ANXA8: variants seen among roughly 807,000 people sequenced by gnomAD.
ANXA8 encodes annexin A8.
Under a neutral mutation model 26.8 loss-of-function variants are expected in ANXA8, and 9 were observed. That is an observed-to-expected ratio of 0.34 (90% CI 0.20 to 0.59). The LOEUF is 0.59. Ranked by LOEUF, ANXA8 falls within the 20% of genes least tolerant of loss-of-function variation. The probability of loss-of-function intolerance (pLI) is 0.84; values close to 1 mark genes in which losing one functional copy is unlikely to be tolerated. For missense variants in ANXA8, 83 were observed against 238.5 expected, an observed-to-expected ratio of 0.35 and a Z score of 4.29; for synonymous variants, 39 against 94.8, an observed-to-expected ratio of 0.41 and a Z score of 3.42.
the ANXA8 span, among the ~76,000 whole-genome samples, chr10:47,704,569 A>G: frequency 6.6e-6 from 1 of 150,806 alleles, no homozygotes; most frequent in Non-Finnish European, 1.5e-5. Flanking sequence ...ATGGAAAAAT[A>G]GATATGTAAA....
the ANXA8 span, chr10:47,542,449 CT>C: frequency 4.6e-6 from 1 of 217,722 alleles, no homozygotes; most frequent in African/African-American, 9.2e-5. Context: ...GAAGAAAATC[CT>C]TATAACAAAG....
the ANXA8 span, among the ~76,000 whole-genome samples, chr10:47,676,484 T>C: frequency 1.3e-5 from 2 of 151,802 alleles, no homozygotes; most frequent in South Asian, 2.1e-4. Flanking sequence ...GACACATTAG[T>C]TATGTGAGAA....
chr10:47,778,515 C>G, the ANXA8 span, among the ~76,000 whole-genome samples: 3 of 151,964 alleles, frequency 2.0e-5, no homozygotes, highest in African/African-American at 7.2e-5. Context: ...TTGAGAAAGA[C>G]TAGGGTCCAT....
chr10:47,502,174 A>G, the ANXA8 span: 65 of 1,551,056 alleles, frequency 4.2e-5, 13 homozygotes, highest in Non-Finnish European at 5.5e-5. Flanking sequence ...TCCCGTGGGC[A>G]TCTCGGGCCA....
the ANXA8 span, among the ~76,000 whole-genome samples, chr10:47,704,864 AAAG>A: frequency 6.6e-6 from 1 of 152,074 alleles, no homozygotes; most frequent in Non-Finnish European, 1.5e-5. Flanking sequence ...AAAAACTAAC[AAAG>A]AATGAAATAA....
At chr10:47,650,466 T>A in the ANXA8 span, among the ~76,000 whole-genome samples, 1 of 151,838 alleles carries the variant, frequency 6.6e-6, no homozygotes, top group East Asian at 1.9e-4. Context: ...TTAGAATATG[T>A]AAAGAACTAT....
the ANXA8 span, chr10:47,503,190 G>A: frequency 2.6e-4 from 412 of 1,604,200 alleles, 1 homozygote; most frequent in Non-Finnish European, 3.3e-4. Context: ...AATAATAGGT[G>A]AGCACGCCAT....
At chr10:47,942,561 C>A in the ANXA8 span, among the ~76,000 whole-genome samples, 1 of 140,638 alleles carries the variant, frequency 7.1e-6, no homozygotes, top group Non-Finnish European at 1.5e-5. Flanking sequence ...TCCAAACATG[C>A]AGTCATGGTT....
chr10:47,694,251 A>G, the ANXA8 span, among the ~76,000 whole-genome samples: 23 of 151,230 alleles, frequency 1.5e-4, no homozygotes, highest in Non-Finnish European at 1.6e-4. Flanking sequence ...AAGAGGATCT[A>G]GTTCACCGAA....
chr10:47,724,870 G>A, the ANXA8 span, among the ~76,000 whole-genome samples: 1 of 137,284 alleles, frequency 7.3e-6, no homozygotes, highest in African/African-American at 2.7e-5. Flanking sequence ...TGGCAACTAC[G>A]AATCTGCTTT....
At chr10:47,655,341 T>C in the ANXA8 span, among the ~76,000 whole-genome samples, 2 of 149,922 alleles carry the variant, frequency 1.3e-5, no homozygotes, top group Non-Finnish European at 3.0e-5. Context: ...ACGGCTGTGG[T>C]ATATATATTT....
the ANXA8 span, chr10:47,690,620 A>ACCAAGCATATTC: frequency 5.1e-5 from 52 of 1,010,824 alleles, no homozygotes; most frequent in Admixed American, 1.4e-4. Flanking sequence ...AGTGGACAAA[A>ACCAAGCATATTC]CCAAGCATAT....
the ANXA8 span, among the ~76,000 whole-genome samples, chr10:47,682,501 G>A: frequency 3.0e-5 from 4 of 134,938 alleles, no homozygotes; most frequent in East Asian, 2.1e-4. Context: ...ACGGAGTCTC[G>A]CTCTGTCGCC....
chr10:47,720,831 TG>T, the ANXA8 span, among the ~76,000 whole-genome samples: 227 of 140,202 alleles, frequency 1.6e-3, 12 homozygotes, highest in Non-Finnish European at 2.8e-3. Flanking sequence ...AAGTTGCTTT[TG>T]TGGAAAAGAA....
the ANXA8 span, among the ~76,000 whole-genome samples, chr10:47,957,919 G>GA: frequency 6.6e-6 from 1 of 150,376 alleles, no homozygotes; most frequent in Admixed American, 6.6e-5. Flanking sequence ...TCAATAATAA[G>GA]AAGACAAACA....
chr10:47,487,274 C>A, upstream of ANXA8: 1 of 1,280,054 alleles, frequency 7.8e-7, no homozygotes, highest in Non-Finnish European at 1.1e-6. Context: ...AGCAGGTGCA[C>A]TCACTGTCCA....
At chr10:47,530,127 C>G in the ANXA8 span, among the ~76,000 whole-genome samples, 1 of 137,986 alleles carries the variant, frequency 7.2e-6, no homozygotes, top group African/African-American at 2.7e-5. Context: ...CAGACAATAG[C>G]TACGACCTGG....
At chr10:47,769,023 G>A in the ANXA8 span, among the ~76,000 whole-genome samples, 7 of 146,480 alleles carry the variant, frequency 4.8e-5, no homozygotes, top group South Asian at 4.5e-4. Flanking sequence ...TGAAAGAGCC[G>A]GTGTGTGATC....
chr10:47,949,505 G>A, the ANXA8 span, among the ~76,000 whole-genome samples: 8 of 150,006 alleles, frequency 5.3e-5, no homozygotes, highest in African/African-American at 2.0e-4. Context: ...TAAATACAAA[G>A]GCTTTTCTCA....
Sources: gnomAD v4.1 joint callset for allele counts (sites outside exome capture counted in the v4.1 genomes callset) on GRCh38, gnomAD v4.1.1 for gene constraint, MANE v1.5 for transcripts, NCBI Gene and HGNC (gene_info 2026-07-23, HGNC 2026-07-21) for gene names.